Variants in ADGRL2 observed in about 807,000 individuals in gnomAD.
ADGRL2 encodes the protein adhesion G protein-coupled receptor L2, also known as calcium-independent alpha-latrotoxin receptor 2.
In ADGRL2, 44 loss-of-function variants were observed where a neutral mutation model predicts 157.4. The observed-to-expected ratio is 0.28, with a 90% CI of 0.22 to 0.36. The LOEUF (loss-of-function observed/expected upper bound fraction) is 0.36. ADGRL2 is among the 10% of genes least tolerant of loss of function. ADGRL2 has a pLI of 1.00. For missense variants in ADGRL2, 1,510 were observed against 1,768.9 expected, an observed-to-expected ratio of 0.85 and a Z score of 2.63; for synonymous variants, 585 against 624.7, an observed-to-expected ratio of 0.94 and a Z score of 0.95.
At chr1:81,352,313 G>A (rs895705200) in intron 1 of ADGRL2, among the ~76,000 whole-genome samples, 5 of 152,176 alleles carry the variant, frequency 3.3e-5, no homozygotes, top group Admixed American at 2.6e-4. Context: ...TTCTGAAATC[G>A]TCTTGCTGTT....
chr1:81,748,668 TTG>T (rs1196394539), intron 1 of ADGRL2, among the ~76,000 whole-genome samples: 1 of 151,918 alleles, frequency 6.6e-6, no homozygotes, highest in Non-Finnish European at 1.5e-5. Context: ...TCCTTTTTTT[TTG>T]TTTTTTGGTT....
In ADGRL2 at chr1:81,810,390, G is replaced by A. The variant is rs2089710441; in HGVS notation, c.-101+9322G>A. 2.3e-5 allele frequency among the ~76,000 whole-genome samples: 3 copies of A among 130,354 alleles called. No homozygotes were observed. The South Asian group carries it at 8.0e-4, about 35-fold the overall frequency. 85.5% of individuals were successfully genotyped at this position (130,354 alleles called of 152,430 possible). A position where few individuals can be genotyped will look rare whatever the true frequency, so the allele number is the denominator to read the frequency against. On this transcript the variant is annotated intron_variant, in intron 1 of 23. Coordinates refer to ENST00000686636, the MANE Select transcript of ADGRL2 (RefSeq NM_001366006.2). ...TTACTTTGAAGCAAAGTATTTCTAT[G>A]TGGAATTATTACTCCTTTATTAAAC...
intron 1 of ADGRL2, among the ~76,000 whole-genome samples, chr1:81,402,945 C>A (rs1323927477): frequency 2.6e-5 from 4 of 152,170 alleles, no homozygotes. Context: ...AAAGAATAAG[C>A]AAACTACATA....
At chr1:81,310,104 C>T (rs1050483007) in intron 1 of ADGRL2, among the ~76,000 whole-genome samples, 3 of 152,096 alleles carry the variant, frequency 2.0e-5, no homozygotes, top group Admixed American at 6.6e-5. Flanking sequence ...AGCCAAAATA[C>T]ACCAGCACAT....
Position 81,442,934 on chromosome 1 carries a change from C to T in ADGRL2, c.-301-2102C>T, listed in dbSNP as rs187281328. ...CAATTCATGTCAAACTTACAGTACGCTGACAAACTAAAAATTATTGGTCTC... is the reference window on the plus strand; with the variant it reads ...CAATTCATGTCAAACTTACAGTACGTTGACAAACTAAAAATTATTGGTCTC... On this transcript the variant is annotated intron_variant, in intron 1 of 24. Coordinates refer to the ADGRL2 transcript ENST00000370721. Among the ~76,000 whole-genome samples the T allele has an allele frequency of 6.2e-4, 94 of 152,278 alleles. 1 individual carries two copies. The highest frequency in any genetic ancestry group is 2.2e-3 in the African/African-American group (90 of 41,560).
intron 20 of ADGRL2, among the ~76,000 whole-genome samples, chr1:81,984,992 C>T (rs542399098): frequency 8.5e-5 from 13 of 152,102 alleles, no homozygotes; most frequent in Admixed American, 5.2e-4. Flanking sequence ...ACTCAATAAA[C>T]ATATATTGAA....
chr1:81,388,433 G>C (rs1257397884), intron 1 of ADGRL2, among the ~76,000 whole-genome samples: 1 of 115,922 alleles, frequency 8.6e-6, no homozygotes, highest in Non-Finnish European at 1.8e-5. Context: ...AAAAATACCA[G>C]CCACAACTTT....
At chr1:81,681,160 T>C (rs542619915) in intron 3 of ADGRL2, among the ~76,000 whole-genome samples, 44 of 152,290 alleles carry the variant, frequency 2.9e-4, no homozygotes, top group African/African-American at 1.1e-3. Context: ...ATATCTTAAA[T>C]CTGTAAGAGA....
At chr1:81,355,308 G>A (rs548118486) in intron 1 of ADGRL2, among the ~76,000 whole-genome samples, 74 of 152,186 alleles carry the variant, frequency 4.9e-4, no homozygotes, top group South Asian at 1.0e-3. Context: ...GCCGTGAGCC[G>A]AGATTGCACC....
At chr1:81,608,778 T>C (rs2081483675) in intron 3 of ADGRL2, among the ~76,000 whole-genome samples, 1 of 152,168 alleles carries the variant, frequency 6.6e-6, no homozygotes, top group Non-Finnish European at 1.5e-5. Context: ...ATGCACCCAT[T>C]CCTCATTCTT....
rs767932328 is a variant in ADGRL2, at chr1:81,969,321, C to T, written c.2667C>T (p.Asn889=). The T allele has an allele frequency of 1.9e-6, 3 of 1,613,970 alleles. No homozygotes were observed. Among genetic ancestry groups the T allele is most frequent in the Non-Finnish European group, 2.5e-6 (3 of 1,179,898 alleles). The change falls in exon 15 of 24, where the codon AAC becomes AAT. Residue 889 remains asparagine, a synonymous_variant. Transcript: ENST00000686636. The stretch of plus-strand genomic sequence containing the variant: ...GTGACCGAAATACTATTCACAAGAA[C>T]CTTTGTATCAACCTTTTCATTGCTG... ...LQSDRNTIHK[N]LCINLFIAEF...
chr1:81,577,538 A>C (rs1310731577), intron 2 of ADGRL2, among the ~76,000 whole-genome samples: 1 of 152,142 alleles, frequency 6.6e-6, no homozygotes, highest in East Asian at 1.9e-4. Context: ...TGTGCCTTGG[A>C]GTCACAGTGA....
chr1:81,506,714 GAACAAAACAAAACAAAACAA>G (rs201035324), intron 2 of ADGRL2, among the ~76,000 whole-genome samples: 10 of 140,210 alleles, frequency 7.1e-5, no homozygotes, highest in Non-Finnish European at 1.2e-4. Context: ...AGTCTCAAAA[GAACAAAACAAAACAAAACAA>G]AACAAAACAA....
intron 1 of ADGRL2, among the ~76,000 whole-genome samples, chr1:81,405,205 T>A (rs1226945687): frequency 6.6e-6 from 1 of 152,164 alleles, no homozygotes; most frequent in African/African-American, 2.4e-5. Context: ...TCTTTCACTT[T>A]CTCAGGGAAA....
At position 81,454,533 on chromosome 1, in the gene ADGRL2, T is replaced by C. The variant is rs117204924; in HGVS notation, c.-248+9444T>C. On this transcript the variant is annotated intron_variant, in intron 2 of 24. Coordinates refer to the ADGRL2 transcript ENST00000370721. ...GCTTACAGAAATACTAGAGGGCTAA[T>C]TGGTAGCAGAACATTTCAGACTTAG... Among the ~76,000 whole-genome samples the C allele has an allele frequency of 3.9e-5, 6 of 152,300 alleles. No homozygotes were observed. The East Asian group carries it at 9.6e-4, about 24-fold the overall frequency.
At position 81,836,409 on chromosome 1, in the gene ADGRL2, G is replaced by A. The variant is rs566289264; in HGVS notation, c.-100-476G>A. On this transcript the variant is annotated intron_variant, in intron 1 of 23. Coordinates refer to ENST00000686636, the MANE Select transcript of ADGRL2 (RefSeq NM_001366006.2). The stretch of plus-strand genomic sequence containing the variant: ...GCATTATAAGGCTAATGTTTGCTGT[G>A]ATTCCTCACACGACCTCAGAAAGAA... Among the ~76,000 whole-genome samples, 149 of 152,154 alleles carry A rather than the reference G, an allele frequency of 9.8e-4. 1 individual carries two copies. Among genetic ancestry groups the A allele is most frequent in the African/African-American group, 3.5e-3 (145 of 41,534 alleles).
intron 2 of ADGRL2, among the ~76,000 whole-genome samples, chr1:81,532,637 C>T (rs1001720786): frequency 1.3e-5 from 2 of 150,912 alleles, no homozygotes; most frequent in African/African-American, 4.9e-5. Context: ...ATGAATAGGC[C>T]TGCCTGGTGG....
intron 2 of ADGRL2, among the ~76,000 whole-genome samples, chr1:81,571,933 T>C (rs2080703431): frequency 6.6e-6 from 1 of 152,214 alleles, no homozygotes; most frequent in South Asian, 2.1e-4. Flanking sequence ...CAACAAGCTT[T>C]TCAGGCCAAC....
intron 2 of ADGRL2, among the ~76,000 whole-genome samples, chr1:81,788,332 C>A (rs1234888044): frequency 6.6e-6 from 1 of 152,050 alleles, no homozygotes; most frequent in African/African-American, 2.4e-5. Context: ...GGCTTGGGGT[C>A]CTCCCCACAG....
Sources: gnomAD v4.1 joint callset for allele counts (sites outside exome capture counted in the v4.1 genomes callset) on GRCh38, gnomAD v4.1.1 for gene constraint, MANE v1.5 for transcripts, NCBI Gene and HGNC (gene_info 2026-07-23, HGNC 2026-07-21) for gene names.